CNTN6: variants seen among roughly 807,000 people sequenced by gnomAD.
The protein encoded by CNTN6 is contactin-6.
CNTN6 carries 137 observed loss-of-function variants against 122.8 expected under a neutral mutation model. The observed-to-expected ratio is 1.12, with a 90% CI of 0.97 to 1.29. The LOEUF is 1.29. Ranked by LOEUF, CNTN6 falls within the 50% of genes most tolerant of loss-of-function variation. The pLI, the probability that CNTN6 is intolerant of heterozygous loss-of-function variation, is 0.00. For synonymous variants in CNTN6, 570 were observed against 426.0 expected, an observed-to-expected ratio of 1.34 and a Z score of -4.16; for missense variants, 1,634 against 1,223.4, an observed-to-expected ratio of 1.34 and a Z score of -5.01.
chr3:1,384,190 T>A (rs1348177824), intron 19 of CNTN6, among the ~76,000 whole-genome samples: 2 of 152,180 alleles, frequency 1.3e-5, no homozygotes, highest in African/African-American at 2.4e-5. Flanking sequence ...CCCTTAAAAT[T>A]TTTCAAGAGG....
intron 5 of CNTN6, among the ~76,000 whole-genome samples, chr3:1,292,308 T>C (rs570408343): frequency 1.3e-5 from 2 of 152,162 alleles, no homozygotes; most frequent in African/African-American, 2.4e-5. Context: ...CCAGAATCTT[T>C]TTTTCCAGAG....
chr3:1,279,281 A>G (rs986361055), intron 5 of CNTN6, among the ~76,000 whole-genome samples: 2 of 152,212 alleles, frequency 1.3e-5, no homozygotes, highest in African/African-American at 4.8e-5. Flanking sequence ...CAAATTTCAC[A>G]TGATGTGGTA....
intron 7 of CNTN6, among the ~76,000 whole-genome samples, chr3:1,298,523 A>G (rs1323946289): frequency 6.6e-6 from 1 of 152,198 alleles, no homozygotes; most frequent in Non-Finnish European, 1.5e-5. Flanking sequence ...TTTTACTCAG[A>G]TAAGTATTTA....
chr3:1,255,049 A>G (rs961142138), intron 4 of CNTN6, among the ~76,000 whole-genome samples: 14 of 152,118 alleles, frequency 9.2e-5, no homozygotes, highest in Non-Finnish European at 1.3e-4. Context: ...TCTTCTGCAC[A>G]TGGCCTCTCA....
intron 5 of CNTN6, among the ~76,000 whole-genome samples, chr3:1,285,022 C>A (rs1420378869): frequency 6.6e-6 from 1 of 152,166 alleles, no homozygotes; most frequent in African/African-American, 2.4e-5. Context: ...AGAAGAGTGA[C>A]ATGCTTTCTC....
intron 4 of CNTN6, among the ~76,000 whole-genome samples, chr3:1,268,736 A>G (rs1287494043): frequency 6.6e-6 from 1 of 152,044 alleles, no homozygotes; most frequent in Non-Finnish European, 1.5e-5. Context: ...CCGAATAGGC[A>G]CAGAAGTAAG....
At chr3:1,166,758 T>A (rs779399066) in intron 2 of CNTN6, among the ~76,000 whole-genome samples, 42 of 152,112 alleles carry the variant, frequency 2.8e-4, no homozygotes, top group Admixed American at 7.9e-4. Context: ...CTGGAAGCCA[T>A]CATTCTTAGC....
rs200513107 is a variant in CNTN6, at chr3:1,377,646, TAA to T, written c.2166+573_2166+574del. Among the ~76,000 whole-genome samples, 1,169 of 152,308 alleles carry T rather than the reference TAA, an allele frequency of 7.7e-3. 8 individuals carry two copies. The highest frequency in any genetic ancestry group is 0.019 in the Admixed American group (283 of 15,290). ...TTAGAATTTAGACTTTCAACCAATTTAAAGTTTCTCATTTTCAGTATCTCAGT... is the reference window on the plus strand; with the variant it reads ...TTAGAATTTAGACTTTCAACCAATTTAGTTTCTCATTTTCAGTATCTCAGT... On this transcript the variant is annotated intron_variant, in intron 17 of 22. Transcript: ENST00000446702.
In CNTN6 at chr3:1,385,729, T is replaced by TAAGA. The variant is rs1692788422; in HGVS notation, c.2637_2640dup (p.Ala881LysfsTer39). 2 of 1,614,112 alleles carry TAAGA rather than the reference T, an allele frequency of 1.2e-6. No individual in the cohort carries two copies. Among genetic ancestry groups the TAAGA allele is most frequent in the South Asian group, 1.1e-5 (1 of 91,080 alleles). On this transcript the variant is annotated frameshift_variant, in exon 20 of 23. Transcript: ENST00000446702. LOFTEE classifies it high-confidence loss of function. Reference sequence around the variant, plus strand: ...GCTAATACCATCTACTTTGCTTCCGTAAGAGCTTACAACACTGCTGGGACA... The same window carrying TAAGA: ...GCTAATACCATCTACTTTGCTTCCGTAAGAAAGAGCTTACAACACTGCTGGGACA...
intron 2 of CNTN6, among the ~76,000 whole-genome samples, chr3:1,216,762 G>T (rs963646414): frequency 6.6e-6 from 1 of 152,160 alleles, no homozygotes; most frequent in South Asian, 2.1e-4. Flanking sequence ...TTAAGATGAG[G>T]TTAATAAAAG....
chr3:1,333,089 TG>T (rs1304619270), intron 11 of CNTN6, among the ~76,000 whole-genome samples: 1 of 152,024 alleles, frequency 6.6e-6, no homozygotes, highest in Admixed American at 6.6e-5. Context: ...TGTATTTGTG[TG>T]GGTGGGGTGT....
rs772899306 is a variant in CNTN6, at chr3:1,182,602, G to GT, written c.55+34551dup. Among the ~76,000 whole-genome samples, 275 of 144,524 alleles carry GT rather than the reference G, an allele frequency of 1.9e-3. 1 individual carries two copies. The highest frequency in any genetic ancestry group is 0.011 in the Middle Eastern group (3 of 276). 94.8% of individuals were successfully genotyped at this position (144,524 alleles called of 152,430 possible). On this transcript the variant is annotated intron_variant, in intron 2 of 22. Transcript: ENST00000446702. ...TTTGCCCACATTCTCCTTTTCCTTA[G>GT]TTTTTTTTTTTTAATTTTTAGCTTC...
At chr3:1,263,459 C>T (rs1324778412) in intron 4 of CNTN6, among the ~76,000 whole-genome samples, 1 of 152,138 alleles carries the variant, frequency 6.6e-6, no homozygotes, top group Non-Finnish European at 1.5e-5. Flanking sequence ...CACAATGCGG[C>T]AATACACAAA....
chr3:1,261,045 GA>G (rs922099939), intron 4 of CNTN6, among the ~76,000 whole-genome samples: 20 of 151,534 alleles, frequency 1.3e-4, no homozygotes, highest in East Asian at 9.7e-4. Flanking sequence ...GTGCGATGGG[GA>G]AAAAAAAATT....
At chr3:1,220,012 A>G (rs995299674) in intron 2 of CNTN6, among the ~76,000 whole-genome samples, 5 of 152,016 alleles carry the variant, frequency 3.3e-5, no homozygotes, top group Non-Finnish European at 5.9e-5. Context: ...AAAAAATAAA[A>G]AGAAAATAAA....
At chr3:1,159,220 T>C (rs1477307883) in intron 2 of CNTN6, among the ~76,000 whole-genome samples, 1 of 151,978 alleles carries the variant, frequency 6.6e-6, no homozygotes, top group Non-Finnish European at 1.5e-5. Context: ...ATCCTCCCAG[T>C]GGATGCCTAC....
intron 11 of CNTN6, among the ~76,000 whole-genome samples, chr3:1,338,076 T>A (rs1048128679): frequency 2.0e-5 from 3 of 152,104 alleles, no homozygotes; most frequent in African/African-American, 7.2e-5. Context: ...CCTGCTGCCT[T>A]GTGTTGGCCT....
chr3:1,270,833 A>G (rs1230592939), intron 4 of CNTN6, among the ~76,000 whole-genome samples: 5 of 152,208 alleles, frequency 3.3e-5, no homozygotes, highest in Non-Finnish European at 7.3e-5. Flanking sequence ...GAGAGGCAGT[A>G]TGGTCTGGTG....
At chr3:1,112,478 T>G (rs565425929) in intron 1 of CNTN6, among the ~76,000 whole-genome samples, 94 of 152,202 alleles carry the variant, frequency 6.2e-4, no homozygotes, top group Non-Finnish European at 9.9e-4. Flanking sequence ...AGTGCTTCTG[T>G]GTAACTCCAA....
Sources: gnomAD v4.1 joint callset for allele counts (sites outside exome capture counted in the v4.1 genomes callset) on GRCh38, gnomAD v4.1.1 for gene constraint, MANE v1.5 for transcripts, NCBI Gene and HGNC (gene_info 2026-07-23, HGNC 2026-07-21) for gene names.